Variants in CD36 observed in about 807,000 individuals in gnomAD.
The protein encoded by CD36 is platelet glycoprotein 4.
CD36 carries 119 observed loss-of-function variants against 55.2 expected under a neutral mutation model. The observed-to-expected ratio is 2.15, with a 90% CI of 1.86 to 2.51. CD36 has a LOEUF of 2.51. Ranked by LOEUF, CD36 falls within the 30% of genes most tolerant of loss-of-function variation. CD36 has a pLI of 0.00. For synonymous variants in CD36, 186 were observed against 193.6 expected (o/e 0.96, Z 0.33); for missense variants, 819 against 555.5 (o/e 1.47, Z -4.77).
At chr7:80,627,438 T>C (rs1235957604) in intron 1 of CD36, among the ~76,000 whole-genome samples, 1 of 151,552 alleles carries the variant, frequency 6.6e-6, no homozygotes, top group Non-Finnish European at 1.5e-5. Context: ...GTACACCATA[T>C]TGACCCCCTC....
rs1798233961 is a variant in CD36, at chr7:80,678,590, G to A, written c.*2207G>A. 1 of 152,204 alleles carries A rather than the reference G, an allele frequency of 6.6e-6. No homozygotes were observed. The highest frequency in any genetic ancestry group is 2.4e-5 in the African/African-American group (1 of 41,428). The allele number at this position is 152,204 out of a possible 1,614,324, so 9.4% of individuals were successfully genotyped here. A position where few individuals can be genotyped will look rare whatever the true frequency, so the allele number is the denominator to read the frequency against. Reference sequence around the variant, plus strand: ...AGATGTGTATACATGGCCAGGCATGGTGGCTCATGCCTGTAATCCCAGCAC... The same window carrying A: ...AGATGTGTATACATGGCCAGGCATGATGGCTCATGCCTGTAATCCCAGCAC... On this transcript the variant is annotated 3_prime_UTR_variant, in exon 15 of 15. Transcript: ENST00000447544.
chr7:80,633,134 C>T (rs921429425), intron 1 of CD36: 1 of 151,960 alleles, frequency 6.6e-6, no homozygotes, highest in Non-Finnish European at 1.5e-5. Context: ...CTATGCTGAT[C>T]ATGGCATTTC....
chr7:80,624,335 C>G (rs1331670488), intron 1 of CD36: 1 of 152,202 alleles, frequency 6.6e-6, no homozygotes, highest in East Asian at 1.9e-4. Flanking sequence ...GCATTTCTCT[C>G]TCTTCTCTCA....
chr7:80,648,952 G>T (rs1316552139), intron 3 of CD36, among the ~76,000 whole-genome samples: 2 of 152,116 alleles, frequency 1.3e-5, no homozygotes, highest in Non-Finnish European at 2.9e-5. Context: ...CAGCAGAAAA[G>T]ATTAGAAGTT....
In CD36 at chr7:80,604,014, TAAAG is replaced by T. The variant is rs901454732; in HGVS notation, c.-184+1639_-184+1642del. ...CTTCAGGTTAAATTGTTTTGAAAAA[TAAAG>T]AAATGCTATAAAATGAGTGAAGTGC... On this transcript the variant is annotated intron_variant, in intron 1 of 13. Transcript: ENST00000309881. 3.3e-5 allele frequency among the ~76,000 whole-genome samples: 5 copies of T among 152,056 alleles called. No individual in the cohort carries two copies. In the East Asian group the frequency reaches 7.8e-4, roughly 24 times the overall value.
Position 80,671,062 on chromosome 7 carries a change from T to C in CD36, c.904T>C (p.Ser302Pro). The C allele has an allele frequency of 6.2e-7, 1 of 1,612,334 alleles. No individual in the cohort carries two copies. Among genetic ancestry groups the C allele is most frequent in the Admixed American group, 1.7e-5 (1 of 60,004 alleles). Residue 302 changes from serine (S) to proline (P), a missense_variant, in exon 10 of 15, where the codon TCT becomes CCT. By Grantham distance (74) the Ser-to-Pro change is moderately conservative. Transcript: ENST00000447544. The part of the protein sequence containing the change: ...RFVLPSKAFA[S>P]PVENPDNYCF... The stretch of plus-strand genomic sequence containing the variant: ...TGTTCTTCCATCCAAGGCCTTTGCC[T>C]CTCCAGTTGAAAACCCAGACAACTA...
At position 80,671,033 on chromosome 7, in the gene CD36, G is replaced by C; in HGVS notation, c.875G>C (p.Arg292Thr). The C allele has an allele frequency of 1.2e-6, 2 of 1,613,190 alleles. No homozygotes were observed. The highest frequency in any genetic ancestry group is 2.2e-5 in the East Asian group (1 of 44,790). Residue 292 changes from arginine (R) to threonine (T), a missense_variant, in exon 10 of 15, where the codon AGA becomes ACA. Coordinates refer to ENST00000447544, the MANE Select transcript of CD36 (RefSeq NM_001001548.3). ...DVNLKGIPVY[R>T]FVLPSKAFAS... ...AATCTGAAAGGAATCCCTGTGTATA[G>C]ATTTGTTCTTCCATCCAAGGCCTTT...
rs1364894830 is a variant in CD36, at chr7:80,676,611, A to T, written c.*228A>T. On this transcript the variant is annotated 3_prime_UTR_variant, in exon 15 of 15. Transcript: ENST00000447544. The stretch of plus-strand genomic sequence containing the variant: ...ATGTGCACCAAATATTTTGAAAGAC[A>T]TTTATAAATAATTGGCTTATGACTC... The T allele has an allele frequency of 3.9e-5, 6 of 152,156 alleles. No homozygotes were observed. Among genetic ancestry groups the T allele is most frequent in the African/African-American group, 1.4e-4 (6 of 41,444 alleles). The allele number at this position is 152,156 out of a possible 1,614,324, so 9.4% of individuals were successfully genotyped here. A position where few individuals can be genotyped will look rare whatever the true frequency, so the allele number is the denominator to read the frequency against.
At chr7:80,667,747 G>GTTTT (rs1165767460) in intron 8 of CD36, among the ~76,000 whole-genome samples, 17 of 82,632 alleles carry the variant, frequency 2.1e-4, no homozygotes, top group African/African-American at 5.8e-4. Context: ...GTTTTCTTTT[G>GTTTT]TTTTTTTTTT....
At chr7:80,664,301 TC>T in intron 6 of CD36, 104 bp from the exon 7 acceptor site, 1 of 729,988 alleles carries the variant, frequency 1.4e-6, no homozygotes, top group Non-Finnish European at 2.5e-6. Context: ...GTATTTCAAG[TC>T]ATTTGAGTAA....
chr7:80,610,834 A>G (rs1792839913), intron 1 of CD36, among the ~76,000 whole-genome samples: 1 of 151,740 alleles, frequency 6.6e-6, no homozygotes. Flanking sequence ...CAGCCTCCCA[A>G]AGTGTTGGGA....
chr7:80,657,302 A>G (rs2116592416), intron 4 of CD36, among the ~76,000 whole-genome samples: 1 of 152,274 alleles, frequency 6.6e-6, no homozygotes, highest in East Asian at 1.9e-4. Context: ...CCACCGTGCT[A>G]AATTCATTTT....
chr7:80,649,224 C>T (rs1421113182), intron 3 of CD36, among the ~76,000 whole-genome samples: 1 of 151,924 alleles, frequency 6.6e-6, no homozygotes, highest in Non-Finnish European at 1.5e-5. Context: ...ATCAACTTGC[C>T]AACTCACCTA....
intron 1 of CD36, among the ~76,000 whole-genome samples, chr7:80,628,590 T>A (rs576310666): frequency 6.6e-6 from 1 of 152,162 alleles, no homozygotes; most frequent in South Asian, 2.1e-4. Flanking sequence ...GAAGTTTGAT[T>A]AAGTGTTTTA....
At chr7:80,666,200 GTTTCTAA>G in intron 7 of CD36, 1 of 467,102 alleles carries the variant, frequency 2.1e-6, no homozygotes, top group Non-Finnish European at 3.8e-6. Context: ...ATTCCAAGAT[GTTTCTAA>G]TTAACACCTG....
In CD36 at chr7:80,671,918, T is replaced by C. The variant is rs554079222; in HGVS notation, c.1007-4T>C. On this transcript the variant is annotated splice_polypyrimidine_tract_variant and splice_region_variant and intron_variant, in intron 10 of 14. Coordinates refer to ENST00000447544, the MANE Select transcript of CD36 (RefSeq NM_001001548.3). ...TCCAATTGACTCTTAAAACTTGTCT[T>C]CAGGGAGACCTGTGTACATTTCACT... The C allele has an allele frequency of 6.2e-7, 1 of 1,611,022 alleles. No individual in the cohort carries two copies. Among genetic ancestry groups the C allele is most frequent in the African/African-American group, 1.3e-5 (1 of 74,958 alleles).
At chr7:80,629,766 G>C (rs1572230) in intron 1 of CD36, among the ~76,000 whole-genome samples, 147,257 of 152,100 alleles carry the variant, frequency 0.97, 71,318 homozygotes, top group East Asian at 1. Context: ...TTCATGTGTA[G>C]AAATAGAAGC....
intron 6 of CD36, among the ~76,000 whole-genome samples, chr7:80,664,198 A>T (rs1796799218): frequency 1.3e-5 from 2 of 152,220 alleles, no homozygotes; most frequent in South Asian, 4.1e-4. Context: ...TCAGCTTCTG[A>T]TATGTATCTT....
In CD36 at chr7:80,651,984, T is replaced by C. The variant is rs10499862; in HGVS notation, c.121-4556T>C. Among the ~76,000 whole-genome samples, 1,220 of 152,298 alleles carry C rather than the reference T, an allele frequency of 8.0e-3. 57 individuals are homozygous for C. The East Asian group carries it at 0.1, about 13-fold the overall frequency. On this transcript the variant is annotated intron_variant, in intron 3 of 14. Coordinates refer to ENST00000447544, the MANE Select transcript of CD36 (RefSeq NM_001001548.3). Reference sequence around the variant, plus strand: ...ATTTGTTTATATTACCTTTATAATGTATGCTTCTAGTATTTCCAGATATAA... The same window carrying C: ...ATTTGTTTATATTACCTTTATAATGCATGCTTCTAGTATTTCCAGATATAA...
Sources: allele counts gnomAD v4.1 joint callset (sites outside exome capture counted in the v4.1 genomes callset), GRCh38; gene constraint gnomAD v4.1.1; transcripts MANE v1.5; gene names NCBI Gene and HGNC (gene_info 2026-07-23, HGNC 2026-07-21).